The following EYS variants were observed in gnomAD, a reference collection of about 807,000 sequenced individuals.
The protein encoded by EYS is protein eyes shut homolog.
Under a neutral mutation model 282.1 loss-of-function variants are expected in EYS, and 250 were observed. The ratio of observed to expected loss-of-function variants is 0.89; its 90% confidence interval spans 0.80 to 0.98. The LOEUF (loss-of-function observed/expected upper bound fraction) is 0.98, where lower values mean the gene tolerates loss of function less well. Ranked by LOEUF, EYS falls within the 50% of genes least tolerant of loss-of-function variation. The probability of loss-of-function intolerance (pLI) is 0.00; values close to 1 mark genes in which losing one functional copy is unlikely to be tolerated. For synonymous variants in EYS, 1,355 were observed against 1,282.9 expected (o/e 1.06, Z -1.20); for missense variants, 4,016 against 3,709.0 (o/e 1.08, Z -2.15).
intron 33 of EYS, among the ~76,000 whole-genome samples, chr6:64,006,810 G>A (rs1026070908): frequency 2.6e-5 from 4 of 152,070 alleles, no homozygotes; most frequent in African/African-American, 9.7e-5. Flanking sequence ...ATTTGCATAT[G>A]TTTATGCAAA....
At chr6:64,404,256 T>C (rs965653960) in intron 28 of EYS, among the ~76,000 whole-genome samples, 1 of 152,150 alleles carries the variant, frequency 6.6e-6, no homozygotes, top group African/African-American at 2.4e-5. Flanking sequence ...AGGGATAAAA[T>C]AGACAATGAG....
chr6:64,044,261 A>G (rs1770523445), intron 33 of EYS, among the ~76,000 whole-genome samples: 1 of 152,250 alleles, frequency 6.6e-6, no homozygotes, highest in African/African-American at 2.4e-5. Context: ...TTGTTTCAAA[A>G]TAATTCCATT....
chr6:64,622,932 G>A (rs1003175658), intron 23 of EYS, among the ~76,000 whole-genome samples: 4 of 152,118 alleles, frequency 2.6e-5, no homozygotes, highest in African/African-American at 7.2e-5. Flanking sequence ...TGGCATTTAG[G>A]AGAAAGCAAA....
chr6:64,637,190 A>G (rs1768013781), intron 22 of EYS, among the ~76,000 whole-genome samples: 1 of 91,902 alleles, frequency 1.1e-5, no homozygotes, highest in Non-Finnish European at 2.4e-5. Flanking sequence ...CTTGGAACCA[A>G]CCCAAATGTC....
intron 14 of EYS, among the ~76,000 whole-genome samples, chr6:64,990,923 C>A (rs1771041688): frequency 6.6e-6 from 1 of 151,496 alleles, no homozygotes; most frequent in South Asian, 2.1e-4. Flanking sequence ...TAAATTTAAT[C>A]AGTTTCAGAG....
chr6:64,564,776 G>A (rs1765511936), intron 26 of EYS, among the ~76,000 whole-genome samples: 1 of 151,800 alleles, frequency 6.6e-6, no homozygotes, highest in Non-Finnish European at 1.5e-5. Context: ...ATCACACACT[G>A]GGGCCTGTAG....
At chr6:65,636,602 T>G (rs546555875) in intron 2 of EYS, among the ~76,000 whole-genome samples, 1 of 152,208 alleles carries the variant, frequency 6.6e-6, no homozygotes, top group Admixed American at 6.5e-5. Context: ...AAAATAAAAA[T>G]AAAAATAAAT....
chr6:65,259,952 T>G (rs938698848), intron 12 of EYS, among the ~76,000 whole-genome samples: 6 of 152,078 alleles, frequency 3.9e-5, no homozygotes, highest in African/African-American at 1.2e-4. Flanking sequence ...GTAGAATCTC[T>G]TTAATTTACG....
At chr6:64,536,666 C>T (rs1721181843) in intron 26 of EYS, among the ~76,000 whole-genome samples, 1 of 151,830 alleles carries the variant, frequency 6.6e-6, no homozygotes, top group Non-Finnish European at 1.5e-5. Flanking sequence ...TGAATGGAAC[C>T]ATTCATATAG....
intron 13 of EYS, among the ~76,000 whole-genome samples, chr6:65,033,373 T>TG: frequency 6.6e-6 from 1 of 152,092 alleles, no homozygotes; most frequent in East Asian, 1.9e-4. Context: ...GCCAGAGCAA[T>TG]GGAAAACATG....
rs147961772 is a variant in EYS, at chr6:63,761,919, G to A, written c.8071+542C>T. On this transcript the variant is annotated intron_variant, in intron 41 of 42. Transcript: ENST00000503581. ...GATCTAGAAATACCATTATCCCTTA[G>A]CCACAGCCCAGCTTGGGAGCACCCA... is the stretch of plus-strand genomic sequence containing the variant. Among the ~76,000 whole-genome samples the A allele has an allele frequency of 6.0e-3, 907 of 152,118 alleles. 8 individuals are homozygous for A. The highest frequency in any genetic ancestry group is 0.02 in the African/African-American group (835 of 41,534).
At chr6:65,055,961 C>A (rs938716232) in intron 13 of EYS, among the ~76,000 whole-genome samples, 5 of 151,994 alleles carry the variant, frequency 3.3e-5, no homozygotes, top group Non-Finnish European at 7.4e-5. Flanking sequence ...TATCTGCTGT[C>A]CAAATTTAAG....
intron 2 of EYS, among the ~76,000 whole-genome samples, chr6:65,636,982 G>GT (rs71702198): frequency 3.3e-4 from 50 of 152,152 alleles, no homozygotes; most frequent in African/African-American, 1.1e-3. Context: ...TGGATATGTT[G>GT]TTTTTTTAAA....
intron 26 of EYS, among the ~76,000 whole-genome samples, chr6:64,584,018 C>G (rs1037833958): frequency 9.9e-5 from 15 of 152,020 alleles, no homozygotes; most frequent in Non-Finnish European, 1.9e-4. Context: ...AATGCTATGA[C>G]TTACAATAAT....
intron 22 of EYS, among the ~76,000 whole-genome samples, chr6:64,781,593 A>G (rs12660097): frequency 3.3e-5 from 5 of 151,916 alleles, no homozygotes; most frequent in East Asian, 1.9e-4. Context: ...AAAAAAAAAA[A>G]AAAGAAATGA....
intron 5 of EYS, among the ~76,000 whole-genome samples, chr6:65,453,211 C>T (rs1764471878): frequency 6.6e-6 from 1 of 151,980 alleles, no homozygotes; most frequent in Non-Finnish European, 1.5e-5. Flanking sequence ...AACTTCTATA[C>T]TGTTTTCAAG....
intron 1 of EYS, among the ~76,000 whole-genome samples, chr6:65,655,527 A>G (rs1767789739): frequency 6.6e-6 from 1 of 151,828 alleles, no homozygotes; most frequent in African/African-American, 2.4e-5. Context: ...TGAAATAGAT[A>G]AACCATATCT....
chr6:63,957,565 G>T lies in EYS; in HGVS notation c.7055+26818C>A, dbSNP rs77484279. Among the ~76,000 whole-genome samples, 144 of 141,174 alleles carry T rather than the reference G, an allele frequency of 1.0e-3. 18 individuals carry two copies. The East Asian group carries it at 0.026, about 26-fold the overall frequency. The allele number at this position is 141,174 out of a possible 152,430, so 92.6% of individuals were successfully genotyped here. A position where few individuals can be genotyped will look rare whatever the true frequency, so the allele number is the denominator to read the frequency against. On this transcript the variant is annotated intron_variant, in intron 35 of 42. Transcript: ENST00000503581. Reference sequence around the variant, plus strand: ...AATAACTGTTTGTTGACAGAATGAAGCTTGCCTGCTATGCTGAAAGCTATT... The same window carrying T: ...AATAACTGTTTGTTGACAGAATGAATCTTGCCTGCTATGCTGAAAGCTATT...
At chr6:65,589,860 C>A (rs1765173096) in intron 2 of EYS, among the ~76,000 whole-genome samples, 2 of 151,898 alleles carry the variant, frequency 1.3e-5, no homozygotes, top group East Asian at 3.9e-4. Flanking sequence ...TATGTTTTAA[C>A]TTCGGCTTAA....
Sources: allele counts gnomAD v4.1 joint callset (sites outside exome capture counted in the v4.1 genomes callset), GRCh38; gene constraint gnomAD v4.1.1; transcripts MANE v1.5; gene names NCBI Gene and HGNC (gene_info 2026-07-23, HGNC 2026-07-21).